The following ANAPC10 variants were observed in gnomAD, a reference collection of about 807,000 sequenced individuals.
ANAPC10 encodes anaphase promoting complex subunit 10.
Under a neutral mutation model 22.0 loss-of-function variants are expected in ANAPC10, and 12 were observed. The observed-to-expected ratio is 0.55, with a 90% CI of 0.35 to 0.88. The LOEUF is 0.88. Ranked by LOEUF, ANAPC10 falls within the 40% of genes least tolerant of loss-of-function variation. The pLI is 0.01. For missense variants in ANAPC10, 188 were observed against 220.9 expected (o/e 0.85, Z 0.94); for synonymous variants, 65 against 69.5 (o/e 0.94, Z 0.32).
chr4:144,999,692 G>GA (rs1315852498), intron 4 of ANAPC10, among the ~76,000 whole-genome samples: 1 of 152,108 alleles, frequency 6.6e-6, no homozygotes, highest in Non-Finnish European at 1.5e-5. Flanking sequence ...CATAGAACTG[G>GA]AAAAAACTAC....
intron 4 of ANAPC10, among the ~76,000 whole-genome samples, chr4:145,036,097 TA>T (rs1048704579): frequency 1.3e-5 from 2 of 151,950 alleles, no homozygotes; most frequent in African/African-American, 4.8e-5. Context: ...AAATAATGCC[TA>T]AAAAAAATTT....
intron 4 of ANAPC10, chr4:145,033,220 G>A (rs1251997860): frequency 1.3e-5 from 2 of 152,242 alleles, no homozygotes; most frequent in Non-Finnish European, 2.9e-5. Context: ...CCCATAGCCA[G>A]GATTCACAGT....
chr4:145,050,086 C>T (rs887668558), intron 4 of ANAPC10, among the ~76,000 whole-genome samples: 4 of 152,182 alleles, frequency 2.6e-5, no homozygotes, highest in African/African-American at 9.7e-5. Context: ...TTTGCTTTGC[C>T]TAGATCCATC....
At chr4:145,026,894 A>C in intron 4 of ANAPC10, among the ~76,000 whole-genome samples, 1 of 129,774 alleles carries the variant, frequency 7.7e-6, no homozygotes, top group Admixed American at 8.1e-5. Context: ...ATTTATATAT[A>C]CAAATGAAGT....
chr4:145,054,556 CAA>C (rs1283371321), intron 4 of ANAPC10, among the ~76,000 whole-genome samples: 11 of 68,294 alleles, frequency 1.6e-4, no homozygotes, highest in Non-Finnish European at 2.1e-4. Context: ...GACTCTATCT[CAA>C]AAAAAAAAAA....
At chr4:145,013,755 T>C (rs981952046) in intron 4 of ANAPC10, among the ~76,000 whole-genome samples, 1 of 152,032 alleles carries the variant, frequency 6.6e-6, no homozygotes, top group Non-Finnish European at 1.5e-5. Context: ...GCCCAAATAC[T>C]GAGTACCCAA....
intron 4 of ANAPC10, among the ~76,000 whole-genome samples, chr4:145,028,901 G>A (rs1737130402): frequency 6.6e-6 from 1 of 152,190 alleles, no homozygotes; most frequent in African/African-American, 2.4e-5. Flanking sequence ...GGCTTCAGAA[G>A]CAGGTATTAA....
Position 145,039,909 on chromosome 4 carries a change from A to C in ANAPC10, c.327+24663T>G, listed in dbSNP as rs545648292. Among the ~76,000 whole-genome samples, 3 of 151,990 alleles carry C rather than the reference A, an allele frequency of 2.0e-5. No individual in the cohort carries two copies. In the East Asian group the frequency reaches 5.8e-4, roughly 30 times the overall value. On this transcript the variant is annotated intron_variant, in intron 4 of 4. Coordinates refer to ENST00000507656, the MANE Select transcript of ANAPC10 (RefSeq NM_001256706.2). ...GTACTCAGCCAAGGTACATTCTTTT[A>C]ATCTTCACTTTAGATACTAGAAATC... is the stretch of plus-strand genomic sequence containing the variant.
chr4:145,030,339 C>A (rs1374747667), intron 4 of ANAPC10, among the ~76,000 whole-genome samples: 1 of 152,200 alleles, frequency 6.6e-6, no homozygotes, highest in Non-Finnish European at 1.5e-5. Context: ...AAGGACCCCA[C>A]TACATTACCA....
At chr4:145,033,674 G>A (rs1175561000) in intron 4 of ANAPC10, among the ~76,000 whole-genome samples, 2 of 152,160 alleles carry the variant, frequency 1.3e-5, no homozygotes, top group African/African-American at 4.8e-5. Flanking sequence ...AGACCCTTCA[G>A]GAACAAAGCT....
At chr4:145,063,490 G>A (rs1466542734) in intron 4 of ANAPC10, among the ~76,000 whole-genome samples, 1 of 151,936 alleles carries the variant, frequency 6.6e-6, no homozygotes, top group African/African-American at 2.4e-5. Flanking sequence ...TAGAGACACG[G>A]TCTTAATATA....
intron 4 of ANAPC10, among the ~76,000 whole-genome samples, chr4:145,059,695 C>T (rs1039341598): frequency 6.6e-6 from 1 of 151,906 alleles, no homozygotes; most frequent in East Asian, 1.9e-4. Flanking sequence ...TATTTAAGTA[C>T]AAAATATTCT....
chr4:145,014,917 G>A (rs1433077951), intron 4 of ANAPC10, among the ~76,000 whole-genome samples: 1 of 152,094 alleles, frequency 6.6e-6, no homozygotes, highest in Non-Finnish European at 1.5e-5. Flanking sequence ...ACAGCCCATG[G>A]GACAAAAGAA....
At chr4:145,010,803 C>G (rs540408220) in intron 4 of ANAPC10, among the ~76,000 whole-genome samples, 50 of 152,004 alleles carry the variant, frequency 3.3e-4, no homozygotes, top group Admixed American at 6.6e-4. Flanking sequence ...TGCACATGTA[C>G]CCTAGAACTT....
chr4:145,021,324 A>T (rs1735931939), intron 4 of ANAPC10, among the ~76,000 whole-genome samples: 1 of 152,226 alleles, frequency 6.6e-6, no homozygotes, highest in Admixed American at 6.5e-5. Flanking sequence ...GTATAAAAAT[A>T]GGCACATAGG....
At chr4:145,047,828 A>T (rs893902771) in intron 4 of ANAPC10, among the ~76,000 whole-genome samples, 2 of 152,142 alleles carry the variant, frequency 1.3e-5, no homozygotes, top group South Asian at 2.1e-4. Flanking sequence ...CCCTTTTATT[A>T]TCTTAAATGT....
chr4:145,018,596 C>T (rs1437925070), intron 4 of ANAPC10, among the ~76,000 whole-genome samples: 1 of 151,916 alleles, frequency 6.6e-6, no homozygotes, highest in Non-Finnish European at 1.5e-5. Flanking sequence ...CGAGATCGTG[C>T]CATTGCACTC....
At chr4:145,026,916 CATACATATATATAT>C (rs1214925205) in intron 4 of ANAPC10, among the ~76,000 whole-genome samples, 1 of 26,024 alleles carries the variant, frequency 3.8e-5, no homozygotes, top group African/African-American at 8.5e-5. Flanking sequence ...TTTGCCTATA[CATACATATATATAT>C]ATATATATAT....
intron 4 of ANAPC10, among the ~76,000 whole-genome samples, chr4:145,021,070 A>G (rs1735900637): frequency 6.6e-6 from 1 of 152,104 alleles, no homozygotes; most frequent in Admixed American, 6.6e-5. Context: ...ATGGAATGGT[A>G]GAATCAAAAT....
Sources: gnomAD v4.1 joint callset for allele counts (sites outside exome capture counted in the v4.1 genomes callset) on GRCh38, gnomAD v4.1.1 for gene constraint, MANE v1.5 for transcripts, NCBI Gene and HGNC (gene_info 2026-07-23, HGNC 2026-07-21) for gene names.